ZCCHC14: variants seen among roughly 807,000 people sequenced by gnomAD.
ZCCHC14 encodes zinc finger CCHC-type containing 14.
A neutral mutation model predicts 85.0 loss-of-function variants in ZCCHC14; 16 were observed. The ratio of observed to expected loss-of-function variants is 0.19; its 90% confidence interval spans 0.13 to 0.29. The LOEUF (loss-of-function observed/expected upper bound fraction) is 0.29, where lower values mean the gene tolerates loss of function less well. Among genes scored for constraint, ZCCHC14 ranks in the 10% least tolerant of loss-of-function variants. The pLI is 1.00. For synonymous variants in ZCCHC14, 775 were observed against 630.7 expected (o/e 1.23, Z -3.43); for missense variants, 1,303 against 1,443.5 (o/e 0.90, Z 1.58).
chr16:87,420,798 G>A lies in ZCCHC14; in HGVS notation c.841-82C>T, dbSNP rs1430268614. 1 of 1,218,040 alleles carries A rather than the reference G, an allele frequency of 8.2e-7. No individual in the cohort carries two copies. Among genetic ancestry groups the A allele is most frequent in the African/African-American group, 1.5e-5 (1 of 65,506 alleles). 75.5% of individuals were successfully genotyped at this position (1,218,040 alleles called of 1,614,324 possible). A position where few individuals can be genotyped will look rare whatever the true frequency, so the allele number is the denominator to read the frequency against. On this transcript the variant is annotated intron_variant, in intron 4 of 12. Coordinates refer to ENST00000671377, the MANE Select transcript of ZCCHC14 (RefSeq NM_015144.3). The surrounding 1 kb of genome is among the most constrained non-coding windows in gnomAD (Gnocchi z 5.0). ...ATTCTGCTACTGCAGGAAAACCTGG[G>A]GCAGGTGCTCCATGGTGCCGCCTGC... is the stretch of plus-strand genomic sequence containing the variant.
At chr16:87,460,170 C>T (rs374619918) in intron 1 of ZCCHC14, 39 bp from the exon 2 acceptor site, 49 of 1,607,582 alleles carry the variant, frequency 3.0e-5, no homozygotes, top group Middle Eastern at 1.7e-4. Flanking sequence ...TTTTCTCCCA[C>T]GGAGTTAATA....
rs189107724 is a variant in ZCCHC14, at chr16:87,419,038, C to T, written c.1046-137G>A. ...ATGGTGCGATCTCGGCTCACTGCAA[C>T]CTCTGCCTCCCGGGTTCAAGTGATT... On this transcript the variant is annotated intron_variant, in intron 6 of 12. Transcript: ENST00000671377. 69 of 731,348 alleles carry T rather than the reference C, an allele frequency of 9.4e-5. No homozygotes were observed. In the African/African-American group the frequency reaches 1.1e-3, roughly 12 times the overall value. The allele number at this position is 731,348 out of a possible 1,614,324, so 45.3% of individuals were successfully genotyped here. A position where few individuals can be genotyped will look rare whatever the true frequency, so the allele number is the denominator to read the frequency against.
chr16:87,418,888 G>C lies in ZCCHC14; in HGVS notation c.1059C>G (p.Pro353=), dbSNP rs137981479. The change falls in exon 7 of 13, where the codon CCC becomes CCG. Residue 353 remains proline (P), a synonymous_variant. Transcript: ENST00000671377. ...QQLQSPSPGN[P]SLSKVGTVMG... is the part of the protein sequence containing the mutation. ...TCACGGTACCTACTTTAGAAAGGGAGGGATTGCCAGGACCTATAAATTTAA... is the reference window on the plus strand; with the variant it reads ...TCACGGTACCTACTTTAGAAAGGGACGGATTGCCAGGACCTATAAATTTAA... 6.2e-7 allele frequency: 1 copy of C among 1,612,492 alleles called. No homozygotes were observed. Among genetic ancestry groups the C allele is most frequent in the East Asian group, 2.2e-5 (1 of 44,838 alleles).
At position 87,414,586 on chromosome 16, in the gene ZCCHC14, G is replaced by C. The variant is rs1453165041; in HGVS notation, c.1476-45C>G. 1.9e-6 allele frequency: 3 copies of C among 1,575,926 alleles called. No individual in the cohort carries two copies. In the African/African-American group the frequency reaches 4.0e-5, roughly 21 times the overall value. On this transcript the variant is annotated intron_variant, in intron 9 of 12. Transcript: ENST00000671377. ...AGGAACAAGTGAGCACTGCCTACTGGTGCTGCCTCACATGCGGCTTCAAGA... is the reference window on the plus strand; with the variant it reads ...AGGAACAAGTGAGCACTGCCTACTGCTGCTGCCTCACATGCGGCTTCAAGA...
rs145153850 is a variant in ZCCHC14, at chr16:87,487,954, G to A, written c.570+3715C>T. On this transcript the variant is annotated intron_variant, in intron 1 of 12. Coordinates refer to ENST00000671377, the MANE Select transcript of ZCCHC14 (RefSeq NM_015144.3). ...AAGACACCCATAGAGACAAAAAGGGGTGGTCAAGGGTTGGGGGGAGGGGGA... is the reference window on the plus strand; with the variant it reads ...AAGACACCCATAGAGACAAAAAGGGATGGTCAAGGGTTGGGGGGAGGGGGA... Among the ~76,000 whole-genome samples, 144 of 151,746 alleles carry A rather than the reference G, an allele frequency of 9.5e-4. 1 individual carries two copies. In the East Asian group the frequency reaches 0.022, roughly 24 times the overall value.
At chr16:87,469,401 C>G (rs1244598398) in intron 1 of ZCCHC14, among the ~76,000 whole-genome samples, 1 of 152,238 alleles carries the variant, frequency 6.6e-6, no homozygotes, top group Non-Finnish European at 1.5e-5. Flanking sequence ...GAATCAAGTG[C>G]AGACTTTAGG....
chr16:87,438,794 C>T (rs1371934561), intron 2 of ZCCHC14, among the ~76,000 whole-genome samples: 1 of 152,134 alleles, frequency 6.6e-6, no homozygotes, highest in African/African-American at 2.4e-5. Context: ...GTCGGCACTG[C>T]CCCGGTCTTC....
intron 2 of ZCCHC14, 23 bp downstream of exon 2, chr16:87,459,985 C>G: frequency 6.2e-7 from 1 of 1,614,042 alleles, no homozygotes; most frequent in Non-Finnish European, 8.5e-7. Flanking sequence ...AGACGTCCTC[C>G]TGAAACCCGT....
In ZCCHC14 at chr16:87,418,454, T is replaced by C. The variant is rs1037833899; in HGVS notation, c.1100+393A>G. The stretch of plus-strand genomic sequence containing the variant: ...ACTGATCTGTGACAGCCCACCTCAC[T>C]GTCAGCAAAGATGGGAGCCTCTGTG... On this transcript the variant is annotated intron_variant, in intron 7 of 12. Coordinates refer to ENST00000671377, the MANE Select transcript of ZCCHC14 (RefSeq NM_015144.3). Among the ~76,000 whole-genome samples the C allele has an allele frequency of 9.8e-5, 15 of 152,326 alleles. 1 individual carries two copies. The highest frequency in any genetic ancestry group is 3.4e-3 in the Middle Eastern group (1 of 294).
intron 9 of ZCCHC14, 150 bp from the exon 10 acceptor site, chr16:87,414,691 C>T (rs1908689810): frequency 5.2e-6 from 6 of 1,146,564 alleles, no homozygotes; most frequent in African/African-American, 1.6e-5. Context: ...AGGGAAATTC[C>T]CCCCAGAGCA....
chr16:87,476,078 C>G (rs1911992738), intron 1 of ZCCHC14, among the ~76,000 whole-genome samples: 1 of 152,156 alleles, frequency 6.6e-6, no homozygotes, highest in Non-Finnish European at 1.5e-5. Flanking sequence ...TCTCAAAGTC[C>G]CAGTAGAAGA....
rs181252654 is a variant in ZCCHC14, at chr16:87,481,658, T to C, written c.570+10011A>G. 2.1e-3 allele frequency among the ~76,000 whole-genome samples: 319 copies of C among 150,374 alleles called. 2 individuals carry two copies. The highest frequency in any genetic ancestry group is 7.4e-3 in the African/African-American group (303 of 40,986). On this transcript the variant is annotated intron_variant, in intron 1 of 12. Coordinates refer to ENST00000671377, the MANE Select transcript of ZCCHC14 (RefSeq NM_015144.3). ...TGAACCGGGGCTGTAACGGTGTCAC[T>C]GGAGACAAATCTAAAGATATTTAGG...
intron 2 of ZCCHC14, among the ~76,000 whole-genome samples, chr16:87,458,637 G>C (rs1911095026): frequency 1.3e-5 from 2 of 152,188 alleles, no homozygotes; most frequent in Non-Finnish European, 2.9e-5. Flanking sequence ...TGTCAGAACG[G>C]GACTTTAGAA....
At position 87,432,992 on chromosome 16, in the gene ZCCHC14, G is replaced by C; in HGVS notation, c.768+136C>G. On this transcript the variant is annotated intron_variant, in intron 3 of 12. Coordinates refer to ENST00000671377, the MANE Select transcript of ZCCHC14 (RefSeq NM_015144.3). ...CTGGAGACAGCCCACCCCGAGCTCA[G>C]GGCCAGCTTCCTATACAGCACTGGC... The C allele has an allele frequency of 1.6e-5, 10 of 617,822 alleles. 1 individual carries two copies. The South Asian group carries it at 2.5e-4, about 16-fold the overall frequency. 38.3% of individuals were successfully genotyped at this position (617,822 alleles called of 1,614,324 possible). A position where few individuals can be genotyped will look rare whatever the true frequency, so the allele number is the denominator to read the frequency against.
intron 1 of ZCCHC14, chr16:87,467,020 GTGTTTTTCATGAAAAAAAAAAATTGTT>G: frequency 2.4e-6 from 1 of 418,994 alleles, no homozygotes; most frequent in Non-Finnish European, 4.3e-6. Flanking sequence ...TGGAGGTCAC[GTGTTTTTCATGAAAAAAAAAAATTGTT>G]TTTTTTTTTT....
chr16:87,456,848 A>G (rs1308715654), intron 2 of ZCCHC14, among the ~76,000 whole-genome samples: 3 of 152,250 alleles, frequency 2.0e-5, no homozygotes, highest in Non-Finnish European at 2.9e-5. Context: ...GACCAAAAAG[A>G]TTGAAAACTA....
chr16:87,443,083 A>G (rs1051492062), intron 2 of ZCCHC14, among the ~76,000 whole-genome samples: 2 of 152,248 alleles, frequency 1.3e-5, no homozygotes, highest in African/African-American at 2.4e-5. Context: ...GTAATATAAA[A>G]GCAGTCTATT....
At chr16:87,461,783 A>C (rs975992014) in intron 1 of ZCCHC14, among the ~76,000 whole-genome samples, 3 of 152,218 alleles carry the variant, frequency 2.0e-5, no homozygotes, top group Non-Finnish European at 4.4e-5. Context: ...ACAGCAAGCC[A>C]CAGGGGCCAC....
intron 2 of ZCCHC14, among the ~76,000 whole-genome samples, chr16:87,447,685 G>C (rs1910508253): frequency 6.6e-6 from 1 of 152,212 alleles, no homozygotes. Flanking sequence ...AAGTGCTGTT[G>C]TGGATGTACG....
Sources: allele counts gnomAD v4.1 joint callset (sites outside exome capture counted in the v4.1 genomes callset), GRCh38; gene constraint gnomAD v4.1.1; non-coding constraint Gnocchi (gnomAD v3.1); transcripts MANE v1.5; gene names NCBI Gene and HGNC (gene_info 2026-07-23, HGNC 2026-07-21).